The following BCAR3 variants were observed in gnomAD, a reference collection of about 807,000 sequenced individuals.
BCAR3 encodes BCAR3 adaptor protein, NSP family member.
BCAR3 carries 37 observed loss-of-function variants against 80.1 expected under a neutral mutation model. The observed-to-expected ratio is 0.46, with a 90% confidence interval of 0.36 to 0.61. The LOEUF is 0.61. Ranked by LOEUF, BCAR3 falls within the 20% of genes least tolerant of loss-of-function variation. BCAR3 has a pLI of 0.00. For missense variants in BCAR3, 978 were observed against 1,068.2 expected (o/e 0.92, Z 1.18); for synonymous variants, 389 against 418.9 (o/e 0.93, Z 0.87).
At chr1:93,780,955 C>T (rs1423013475) in intron 2 of BCAR3, among the ~76,000 whole-genome samples, 1 of 152,186 alleles carries the variant, frequency 6.6e-6, no homozygotes, top group African/African-American at 2.4e-5. Context: ...AAATCTAGAT[C>T]CCAGTGCCCT....
intron 2 of BCAR3, among the ~76,000 whole-genome samples, chr1:93,823,438 C>T (rs1414865091): frequency 7.5e-6 from 1 of 133,952 alleles, no homozygotes; most frequent in African/African-American, 2.5e-5. Context: ...GTCTCTTCTT[C>T]TGGAGCTATC....
intron 2 of BCAR3, among the ~76,000 whole-genome samples, chr1:93,844,853 C>T (rs1366272745): frequency 1.3e-5 from 2 of 151,884 alleles, no homozygotes; most frequent in African/African-American, 2.4e-5. Context: ...GAATTACAGG[C>T]GTGAGTCACT....
At chr1:93,738,940 G>A (rs1008139067) in intron 2 of BCAR3, among the ~76,000 whole-genome samples, 5 of 152,122 alleles carry the variant, frequency 3.3e-5, no homozygotes, top group Non-Finnish European at 5.9e-5. Context: ...AAGAGCAGAG[G>A]GGCAAAGCCT....
intron 3 of BCAR3, among the ~76,000 whole-genome samples, chr1:93,635,172 A>T (rs1675740971): frequency 6.6e-6 from 1 of 152,066 alleles, no homozygotes; most frequent in Non-Finnish European, 1.5e-5. Flanking sequence ...GTGAGCTATG[A>T]TTGCACCACT....
At chr1:93,742,016 C>G in intron 2 of BCAR3, among the ~76,000 whole-genome samples, 1 of 152,172 alleles carries the variant, frequency 6.6e-6, no homozygotes, top group East Asian at 1.9e-4. Context: ...AGCCCGTGTA[C>G]CTGCCTCCAC....
chr1:93,614,175 C>T (rs142117990), intron 3 of BCAR3: 120 of 1,273,088 alleles, frequency 9.4e-5, no homozygotes, highest in Non-Finnish European at 1.1e-4. Flanking sequence ...CTGCCATGCA[C>T]ACAGTGCCAG....
At chr1:93,563,779 A>G (rs1393717370) in intron 11 of BCAR3, among the ~76,000 whole-genome samples, 1 of 151,756 alleles carries the variant, frequency 6.6e-6, no homozygotes, top group Non-Finnish European at 1.5e-5. Flanking sequence ...CACAACCTCT[A>G]CCTCTCGGGT....
At chr1:93,718,516 G>A (rs1475283762) in intron 2 of BCAR3, among the ~76,000 whole-genome samples, 2 of 152,070 alleles carry the variant, frequency 1.3e-5, no homozygotes, top group East Asian at 3.9e-4. Context: ...GGCCTTACAT[G>A]CACTACTTCA....
intron 3 of BCAR3, chr1:93,613,929 ATC>A: frequency 6.4e-7 from 1 of 1,550,486 alleles, no homozygotes; most frequent in Non-Finnish European, 8.7e-7. Context: ...TTCCTTAGGC[ATC>A]TTTCGGTCTT....
At chr1:93,589,560 G>T (rs1205003218) in intron 4 of BCAR3, 141 bp from the exon 5 acceptor site, 5 of 755,240 alleles carry the variant, frequency 6.6e-6, no homozygotes, top group Non-Finnish European at 1.0e-5. Context: ...GTTTTTCAAA[G>T]ATCAAATTCA....
chr1:93,609,703 C>T (rs916334709), intron 3 of BCAR3, among the ~76,000 whole-genome samples: 11 of 152,194 alleles, frequency 7.2e-5, no homozygotes, highest in African/African-American at 1.9e-4. Context: ...GACCTGGGGG[C>T]GGGCCTGCCA....
At position 93,674,920 on chromosome 1, in the gene BCAR3, C is replaced by T; in HGVS notation, c.11G>A (p.Gly4Glu). Residue 4 changes from glycine to glutamate, a missense_variant, in exon 2 of 12, where the codon GGA (glycine) becomes GAA (glutamate). Coordinates refer to ENST00000260502, the MANE Select transcript of BCAR3 (RefSeq NM_003567.4). ...GTTTCTGGGAAGGCTTGCAAATTTT[C>T]CTGCAGCCATAATTCTCAACTCTAA... MAAGKFASLPRNMP... is the reference protein window; with the variant it reads MAAEKFASLPRNMP... 6.4e-7 allele frequency: 1 copy of T among 1,555,472 alleles called. No individual in the cohort carries two copies. Among genetic ancestry groups the T allele is most frequent in the Non-Finnish European group, 8.6e-7 (1 of 1,157,832 alleles).
intron 2 of BCAR3, among the ~76,000 whole-genome samples, chr1:93,779,319 C>T (rs1458710770): frequency 6.6e-6 from 1 of 152,158 alleles, no homozygotes; most frequent in Non-Finnish European, 1.5e-5. Flanking sequence ...GTTTATTGAG[C>T]TGTGTTGTAT....
At position 93,779,916 on chromosome 1, in the gene BCAR3, C is replaced by T. The variant is rs180980565; in HGVS notation, c.-63+65651G>A. Among the ~76,000 whole-genome samples, 11 of 152,224 alleles carry T rather than the reference C, an allele frequency of 7.2e-5. No homozygotes were observed. The East Asian group carries it at 2.1e-3, about 29-fold the overall frequency. On this transcript the variant is annotated intron_variant, in intron 2 of 13. Coordinates refer to the BCAR3 transcript ENST00000370244. The stretch of plus-strand genomic sequence containing the variant: ...ATTTACAATTTGGGACCAGCTAATC[C>T]TAGGTGACTCCGGTTCCTGTTGCCC...
chr1:93,786,288 G>T (rs1652943931), intron 2 of BCAR3, among the ~76,000 whole-genome samples: 1 of 150,990 alleles, frequency 6.6e-6, no homozygotes, highest in African/African-American at 2.4e-5. Context: ...TACTATGAGG[G>T]AGCCCAAGGC....
intron 2 of BCAR3, among the ~76,000 whole-genome samples, chr1:93,820,731 G>T (rs1654185231): frequency 6.6e-6 from 1 of 152,070 alleles, no homozygotes; most frequent in East Asian, 1.9e-4. Flanking sequence ...GATTAAATCA[G>T]GGGGCATTGG....
At chr1:93,737,997 T>C (rs754462323) in intron 2 of BCAR3, among the ~76,000 whole-genome samples, 1 of 152,104 alleles carries the variant, frequency 6.6e-6, no homozygotes, top group Non-Finnish European at 1.5e-5. Flanking sequence ...GCCAGCCTTA[T>C]TTTTTTATTT....
At chr1:93,568,834 CTTCTTT>C (rs1251876369) in intron 9 of BCAR3, among the ~76,000 whole-genome samples, 1 of 152,122 alleles carries the variant, frequency 6.6e-6, no homozygotes, top group African/African-American at 2.4e-5. Context: ...TATGACTTTT[CTTCTTT>C]GAGATGGGGT....
Position 93,777,559 on chromosome 1 carries a change from C to G in BCAR3, c.-63+68008G>C, listed in dbSNP as rs933997766. Among the ~76,000 whole-genome samples the G allele has an allele frequency of 4.6e-5, 7 of 151,908 alleles. No individual in the cohort carries two copies. The East Asian group carries it at 1.4e-3, about 30-fold the overall frequency. On this transcript the variant is annotated intron_variant, in intron 2 of 13. Transcript: ENST00000370244. ...TTCTCCTCTTCCTCCTCCTCCTCCT[C>G]CACGGGCATGCACCACTGTGCCTGG...
Sources: gnomAD v4.1 joint callset for allele counts (sites outside exome capture counted in the v4.1 genomes callset) on GRCh38, gnomAD v4.1.1 for gene constraint, MANE v1.5 for transcripts, NCBI Gene and HGNC (gene_info 2026-07-23, HGNC 2026-07-21) for gene names.